ANO2: variants seen among roughly 807,000 people sequenced by gnomAD.
ANO2 encodes anoctamin 2.
In ANO2, 101 loss-of-function variants were observed where a neutral mutation model predicts 124.2. The ratio of observed to expected loss-of-function variants is 0.81; its 90% CI spans 0.69 to 0.96. The LOEUF (loss-of-function observed/expected upper bound fraction) is 0.96, where lower values mean the gene tolerates loss of function less well. Among genes scored for constraint, ANO2 ranks in the 40% least tolerant of loss-of-function variants. The probability of loss-of-function intolerance (pLI) is 0.00; values close to 1 mark genes in which losing one functional copy is unlikely to be tolerated. For missense variants in ANO2, 1,293 were observed against 1,274.5 expected (o/e 1.01, Z -0.22); for synonymous variants, 486 against 482.5 (o/e 1.01, Z -0.09).
At chr12:5,770,880 C>T (rs1267060046) in intron 10 of ANO2, among the ~76,000 whole-genome samples, 1 of 152,180 alleles carries the variant, frequency 6.6e-6, no homozygotes, top group Non-Finnish European at 1.5e-5. Context: ...ACTTCCATGC[C>T]TCTGCCATGG....
At chr12:5,887,969 C>G (rs1939066073) in intron 3 of ANO2, among the ~76,000 whole-genome samples, 1 of 152,072 alleles carries the variant, frequency 6.6e-6, no homozygotes, top group Non-Finnish European at 1.5e-5. Flanking sequence ...TACATTGTTC[C>G]GGGACAGACA....
At chr12:5,779,403 T>C (rs1043313902) in intron 10 of ANO2, among the ~76,000 whole-genome samples, 3 of 152,248 alleles carry the variant, frequency 2.0e-5, no homozygotes, top group Admixed American at 6.5e-5. Flanking sequence ...GAATACGCCA[T>C]GGTTTTAGAA....
chr12:5,771,042 T>C (rs996631321), intron 10 of ANO2, among the ~76,000 whole-genome samples: 11 of 152,218 alleles, frequency 7.2e-5, no homozygotes, highest in African/African-American at 9.6e-5. Context: ...CTACCTAACA[T>C]TGCTTTCTAA....
At chr12:5,755,998 G>A (rs1314922925) in intron 10 of ANO2, among the ~76,000 whole-genome samples, 2 of 151,752 alleles carry the variant, frequency 1.3e-5, no homozygotes, top group African/African-American at 2.4e-5. Flanking sequence ...GCATATATTG[G>A]TTCACTCTAT....
chr12:5,589,352 C>T (rs1434432315), intron 20 of ANO2, among the ~76,000 whole-genome samples: 3 of 151,792 alleles, frequency 2.0e-5, no homozygotes, highest in Non-Finnish European at 4.4e-5. Context: ...GAGAGGGAGA[C>T]AGGGAAGGAG....
chr12:5,944,339 G>T (rs1387291150), intron 1 of ANO2, among the ~76,000 whole-genome samples: 1 of 152,170 alleles, frequency 6.6e-6, no homozygotes, highest in Non-Finnish European at 1.5e-5. Flanking sequence ...GGGACCTTCT[G>T]TCCCAGACGA....
At chr12:5,930,759 G>A (rs949677545) in intron 1 of ANO2, among the ~76,000 whole-genome samples, 1 of 152,124 alleles carries the variant, frequency 6.6e-6, no homozygotes, top group African/African-American at 2.4e-5. Context: ...TGGCCCTCCT[G>A]ATTACCCCAC....
chr12:5,860,315 G>A (rs1041595033), intron 3 of ANO2, among the ~76,000 whole-genome samples: 9 of 152,176 alleles, frequency 5.9e-5, no homozygotes, highest in Non-Finnish European at 5.9e-5. Context: ...TCACAGCACG[G>A]ACCCACTATC....
At chr12:5,673,811 A>G (rs1303196172) in intron 14 of ANO2, among the ~76,000 whole-genome samples, 1 of 152,124 alleles carries the variant, frequency 6.6e-6, no homozygotes, top group South Asian at 2.1e-4. Context: ...TGTATTCAGT[A>G]TTGATTTAGG....
At chr12:5,882,433 G>A (rs1175905068) in intron 3 of ANO2, among the ~76,000 whole-genome samples, 1 of 152,182 alleles carries the variant, frequency 6.6e-6, no homozygotes, top group African/African-American at 2.4e-5. Flanking sequence ...TGAGAGGCAT[G>A]GACTTTAATG....
At chr12:5,939,222 A>C (rs895799611) in intron 1 of ANO2, among the ~76,000 whole-genome samples, 68 of 151,490 alleles carry the variant, frequency 4.5e-4, no homozygotes, top group African/African-American at 1.6e-3. Context: ...ACAAAAAAAA[A>C]AAAAAAAAAA....
At chr12:5,924,865 T>C (rs561994899) in intron 1 of ANO2, among the ~76,000 whole-genome samples, 4 of 152,190 alleles carry the variant, frequency 2.6e-5, no homozygotes, top group African/African-American at 9.6e-5. Context: ...AGACCTCTCT[T>C]CCAACCACAT....
rs368081422 is a variant in ANO2, at chr12:5,807,913, C to T, written c.893-545G>A. Among the ~76,000 whole-genome samples, 20 of 152,274 alleles carry T rather than the reference C, an allele frequency of 1.3e-4. No individual in the cohort carries two copies. The East Asian group carries it at 2.3e-3, about 18-fold the overall frequency. ...GCCCTGGGAGTCCTCATGAGGCTTTCGGGGGTCCCTGGAGGAAAACTATTT... is the reference window on the plus strand; with the variant it reads ...GCCCTGGGAGTCCTCATGAGGCTTTTGGGGGTCCCTGGAGGAAAACTATTT... On this transcript the variant is annotated intron_variant, in intron 7 of 24. Transcript: ENST00000682330.
At chr12:5,761,385 T>C (rs901593450) in intron 10 of ANO2, among the ~76,000 whole-genome samples, 4 of 152,178 alleles carry the variant, frequency 2.6e-5, no homozygotes, top group African/African-American at 9.7e-5. Flanking sequence ...TAAGATTACT[T>C]AGCAAGGGCA....
chr12:5,773,056 G>A (rs2137122974), intron 10 of ANO2, among the ~76,000 whole-genome samples: 1 of 152,358 alleles, frequency 6.6e-6, no homozygotes, highest in South Asian at 2.1e-4. Context: ...AGAGTGGGGT[G>A]TTGATTTCCC....
chr12:5,881,535 G>T (rs192408122), intron 3 of ANO2, among the ~76,000 whole-genome samples: 13 of 152,162 alleles, frequency 8.5e-5, no homozygotes, highest in African/African-American at 2.7e-4. Context: ...ATTTCTCCTG[G>T]GGCTATACAG....
intron 20 of ANO2, among the ~76,000 whole-genome samples, chr12:5,583,307 A>G (rs1942860384): frequency 6.6e-6 from 1 of 152,184 alleles, no homozygotes; most frequent in East Asian, 1.9e-4. Flanking sequence ...GTTGTAGTAA[A>G]AACAGTTGGT....
chr12:5,739,531 CT>C, intron 12 of ANO2, 132 bp from the exon 13 acceptor site: 2 of 673,152 alleles, frequency 3.0e-6, no homozygotes, highest in Non-Finnish European at 2.5e-6. Context: ...CATTTAGCCT[CT>C]TTTTCCCACT....
intron 7 of ANO2, among the ~76,000 whole-genome samples, chr12:5,813,143 G>A (rs919677023): frequency 6.6e-6 from 1 of 152,188 alleles, no homozygotes; most frequent in Non-Finnish European, 1.5e-5. Flanking sequence ...CTGGTGGCTA[G>A]GGCATTAAAA....
Sources: allele counts gnomAD v4.1 joint callset (sites outside exome capture counted in the v4.1 genomes callset), GRCh38; gene constraint gnomAD v4.1.1; transcripts MANE v1.5; gene names NCBI Gene and HGNC (gene_info 2026-07-23, HGNC 2026-07-21).